The following HMGB3 variants were observed in gnomAD, a reference collection of about 807,000 sequenced individuals.
HMGB3 encodes high mobility group box 3.
A neutral mutation model predicts 12.9 loss-of-function variants in HMGB3; 1 was observed. The ratio of observed to expected loss-of-function variants is 0.08; its 90% CI spans 0.03 to 0.37. The LOEUF (loss-of-function observed/expected upper bound fraction) is 0.37, where lower values mean the gene tolerates loss of function less well. Ranked by LOEUF, HMGB3 falls within the 10% of genes least tolerant of loss-of-function variation. The pLI is 0.99. For synonymous variants in HMGB3, 61 were observed against 53.9 expected (o/e 1.13, Z -0.57); for missense variants, 74 against 153.3 (o/e 0.48, Z 2.73).
chrX:150,985,480 C>A, intron 1 of HMGB3, 115 bp from the exon 2 acceptor site: 1 of 491,396 alleles, frequency 2.0e-6, no homozygotes, highest in Non-Finnish European at 3.2e-6. Flanking sequence ...GGGAAGGGGA[C>A]TTCCTAACAG....
upstream of HMGB3, chrX:150,983,326 C>A: frequency 1.3e-6 from 1 of 755,355 alleles, no homozygotes; most frequent in Non-Finnish European, 1.6e-6. Flanking sequence ...GGCTGGGGAG[C>A]GCTGAGCCGC....
chrX:150,986,882 G>T (rs1490472215), intron 3 of HMGB3, among the ~76,000 whole-genome samples: 1 of 111,631 alleles, frequency 9.0e-6, no homozygotes, highest in African/African-American at 3.3e-5. Context: ...CCCAACCTCA[G>T]GTGATCCGCC....
At chrX:150,983,497 C>G in intron 1 of HMGB3, 121 bp downstream of exon 1, 2 of 734,210 alleles carry the variant, frequency 2.7e-6, no homozygotes, top group Non-Finnish European at 3.2e-6. Context: ...TGAGCGCGCC[C>G]TGCCGCCGCC....
Position 150,988,697 on chromosome X carries a change from C to G in HMGB3, c.*783C>G, listed in dbSNP as rs1448714344. 1 of 112,006 alleles carries G rather than the reference C, an allele frequency of 8.9e-6. No individual in the cohort carries two copies. The highest frequency in any genetic ancestry group is 1.9e-5 in the Non-Finnish European group (1 of 53,166). 9.2% of individuals were successfully genotyped at this position (112,006 alleles called of 1,213,427 possible). On this transcript the variant is annotated 3_prime_UTR_variant, in exon 5 of 5. Coordinates refer to ENST00000325307, the MANE Select transcript of HMGB3 (RefSeq NM_005342.4). ...GTACTTAAACACGATTCGCAACGTTCTGTTATTTTTTTTGTATGTTTAGAA... is the reference window on the plus strand; with the variant it reads ...GTACTTAAACACGATTCGCAACGTTGTGTTATTTTTTTTGTATGTTTAGAA...
At chrX:150,986,884 T>G (rs1260764237) in intron 3 of HMGB3, among the ~76,000 whole-genome samples, 1 of 111,661 alleles carries the variant, frequency 9.0e-6, no homozygotes, top group Non-Finnish European at 1.9e-5. Flanking sequence ...CAACCTCAGG[T>G]GATCCGCCTG....
upstream of HMGB3, chrX:150,983,158 T>A (rs1051247276): frequency 7.9e-6 from 3 of 379,481 alleles, no homozygotes; most frequent in Non-Finnish European, 1.0e-5. Flanking sequence ...CGGCGGGTCG[T>A]TCTGTTTGAA....
At chrX:150,983,557 C>G (rs1400115269) in intron 1 of HMGB3, 181 bp downstream of exon 1, 101 of 746,655 alleles carry the variant, frequency 1.4e-4, no homozygotes, top group Non-Finnish European at 1.5e-4. Context: ...CGCCTTCCCT[C>G]CTGCTAGGCG....
intron 1 of HMGB3, among the ~76,000 whole-genome samples, chrX:150,984,272 C>A (rs1299504440): frequency 1.1e-5 from 1 of 90,065 alleles, no homozygotes; most frequent in Non-Finnish European, 2.2e-5. Context: ...GTGCGCCCCG[C>A]GCCGGGGGGC....
At position 150,986,209 on chromosome X, in the gene HMGB3, C is replaced by T. The variant is rs2124447644; in HGVS notation, c.290+19C>T. ...GGCCACCGTAAGTGACTATAGGATT[C>T]AAGATAACAATTAATACCTTTTCTT... On this transcript the variant is annotated intron_variant, in intron 3 of 4. Coordinates refer to ENST00000325307, the MANE Select transcript of HMGB3 (RefSeq NM_005342.4). 1 of 1,134,165 alleles carries T rather than the reference C, an allele frequency of 8.8e-7. No individual in the cohort carries two copies. The highest frequency in any genetic ancestry group is 2.5e-4 in the Middle Eastern group (1 of 4,039). The allele number at this position is 1,134,165 out of a possible 1,213,427, so 93.5% of individuals were successfully genotyped here.
intron 3 of HMGB3, among the ~76,000 whole-genome samples, chrX:150,986,847 A>G (rs2048058659): frequency 9.0e-6 from 1 of 110,925 alleles, no homozygotes; most frequent in Admixed American, 9.6e-5. Context: ...GGGTTTCTCC[A>G]TGTTGGTCAG....
At chrX:150,981,691 C>T (rs1372285346), upstream of HMGB3, among the ~76,000 whole-genome samples, 25 of 110,773 alleles carry the variant, frequency 2.3e-4, no homozygotes, top group African/African-American at 8.2e-4. Context: ...CTCCTGATCT[C>T]GTGATCCGCC....
At chrX:150,983,858 G>T (rs1391628613) in intron 1 of HMGB3, among the ~76,000 whole-genome samples, 1 of 106,622 alleles carries the variant, frequency 9.4e-6, no homozygotes, top group African/African-American at 3.3e-5. Context: ...GCCGGTGCCC[G>T]CCGGGGGCTG....
At position 150,987,770 on chromosome X, in the gene HMGB3, C is replaced by A. The variant is rs2048067751; in HGVS notation, c.466-7C>A. ...TACTCATTTGAAATGTGTCCCTGTT[C>A]CTCTAGGATGTTGCTGACTATAAGT... On this transcript the variant is annotated splice_region_variant and splice_polypyrimidine_tract_variant and intron_variant, in intron 4 of 4. Transcript: ENST00000325307. The A allele has an allele frequency of 1.7e-6, 2 of 1,197,709 alleles. No homozygotes were observed. Among genetic ancestry groups the A allele is most frequent in the African/African-American group, 1.7e-5 (1 of 57,317 alleles).
At chrX:150,984,309 C>G (rs1397550618) in intron 1 of HMGB3, among the ~76,000 whole-genome samples, 3 of 92,095 alleles carry the variant, frequency 3.3e-5, no homozygotes, top group African/African-American at 1.2e-4. Context: ...GGCCCCCGAG[C>G]CCCCGGGCGG....
upstream of HMGB3, chrX:150,983,330 G>T: frequency 1.3e-6 from 1 of 755,818 alleles, no homozygotes; most frequent in Non-Finnish European, 1.6e-6. Context: ...GGGGAGCGCT[G>T]AGCCGCGCGT....
intron 3 of HMGB3, 128 bp downstream of exon 3, chrX:150,986,318 A>G (rs2048051619): frequency 7.8e-6 from 4 of 510,887 alleles, no homozygotes; most frequent in Admixed American, 4.7e-5. Context: ...AAAGATGGCA[A>G]TACCTCTGCA....
At chrX:150,985,556 T>G in intron 1 of HMGB3, 39 bp from the exon 2 acceptor site, 1 of 1,116,564 alleles carries the variant, frequency 9.0e-7, no homozygotes. Flanking sequence ...TCCTCCTTGC[T>G]TTTCCTCATT....
rs782719676 is a variant in HMGB3 at position 150,987,746 on chromosome X, AC to A, written c.466-30del. ...CTACTTTGTGTTAAAACAGCCGCAT[AC>A]TCATTTGAAATGTGTCCCTGTTCCT... On this transcript the variant is annotated intron_variant, in intron 4 of 4. Transcript: ENST00000325307. The A allele has an allele frequency of 6.1e-6, 7 of 1,147,090 alleles. No homozygotes were observed. In the Admixed American group the frequency reaches 1.6e-4, roughly 26 times the overall value. The allele number at this position is 1,147,090 out of a possible 1,213,427, so 94.5% of individuals were successfully genotyped here. A position where few individuals can be genotyped will look rare whatever the true frequency, so the allele number is the denominator to read the frequency against.
chrX:150,983,513 C>G (rs1354996488), intron 1 of HMGB3, 137 bp downstream of exon 1: 4 of 727,860 alleles, frequency 5.5e-6, no homozygotes, highest in Non-Finnish European at 6.5e-6. Context: ...CCGCCTCCCC[C>G]TGCCTCTACT....
Sources: allele counts gnomAD v4.1 joint callset (sites outside exome capture counted in the v4.1 genomes callset), GRCh38; gene constraint gnomAD v4.1.1; transcripts MANE v1.5; gene names NCBI Gene and HGNC (gene_info 2026-07-23, HGNC 2026-07-21).